The following SEPTIN9 variants were observed in gnomAD, a reference collection of about 807,000 sequenced individuals.
The protein encoded by SEPTIN9 is septin-9.
SEPTIN9 carries 13 observed loss-of-function variants against 56.6 expected under a neutral mutation model. That is an observed-to-expected ratio of 0.23 (90% CI 0.15 to 0.37). SEPTIN9 has a LOEUF of 0.37. Ranked by LOEUF, SEPTIN9 falls within the 10% of genes least tolerant of loss-of-function variation. SEPTIN9 has a pLI of 1.00. For synonymous variants in SEPTIN9, 332 were observed against 334.1 expected (o/e 0.99, Z 0.07); for missense variants, 650 against 823.1 (o/e 0.79, Z 2.57).
At chr17:77,498,338 G>A (rs1187879559) in intron 11 of SEPTIN9, among the ~76,000 whole-genome samples, 185 bp from the exon 12 acceptor site, 8 of 151,806 alleles carry the variant, frequency 5.3e-5, no homozygotes, top group Non-Finnish European at 1.2e-4. Context: ...CCCCCAAAAC[G>A]TGTACCAGAT....
chr17:77,411,261 G>A (rs928263187), intron 3 of SEPTIN9, among the ~76,000 whole-genome samples: 1 of 152,150 alleles, frequency 6.6e-6, no homozygotes, highest in Non-Finnish European at 1.5e-5. Flanking sequence ...TTCAGGGCTT[G>A]TGTAAAAAAA....
At position 77,319,984 on chromosome 17, in the gene SEPTIN9, A is replaced by G. The variant is rs1345984985; in HGVS notation, c.76+12787A>G. ...CCGGGACTCTGGGACTCTCGCAGGC[A>G]GACCCGGTGGTCTGCCGGACTCCTC... On this transcript the variant is annotated intron_variant, in intron 2 of 11. Coordinates refer to ENST00000427177, the MANE Select transcript of SEPTIN9 (RefSeq NM_001113491.2). The surrounding 1 kb of genome is among the most constrained non-coding windows in gnomAD (Gnocchi z 5.3). 1 of 1,224,328 alleles carries G rather than the reference A, an allele frequency of 8.2e-7. No individual in the cohort carries two copies. The highest frequency in any genetic ancestry group is 1.0e-6 in the Non-Finnish European group (1 of 976,520). 75.8% of individuals were successfully genotyped at this position (1,224,328 alleles called of 1,614,324 possible).
Position 77,371,150 on chromosome 17 carries a change from CTGGAGGTTTCTAGGCCTGGTCATG to C in SEPTIN9, c.77-30905_77-30882del, listed in dbSNP as rs1191005344. Among the ~76,000 whole-genome samples the C allele has an allele frequency of 6.6e-6, 1 of 152,156 alleles. No homozygotes were observed. Among genetic ancestry groups the C allele is most frequent in the African/African-American group, 2.4e-5 (1 of 41,416 alleles). ...GAAAGAGCTCGGGGAACCTCCTTAC[CTGGAGGTTTCTAGGCCTGGTCATG>C]TGGCTCTGAGTGATTACATTGAAGG... is the stretch of plus-strand genomic sequence containing the variant. On this transcript the variant is annotated intron_variant, in intron 2 of 11. Transcript: ENST00000427177. The surrounding 1 kb of genome is among the most constrained non-coding windows in gnomAD (Gnocchi z 4.1).
chr17:77,331,811 G>A (rs1183047863), intron 2 of SEPTIN9, among the ~76,000 whole-genome samples: 3 of 152,206 alleles, frequency 2.0e-5, no homozygotes, highest in Non-Finnish European at 4.4e-5. Context: ...CGAGCCCTTG[G>A]GGTTCCTGTC....
In SEPTIN9 at chr17:77,329,532, C is replaced by A. The variant is rs574271644; in HGVS notation, c.76+22335C>A. Reference sequence around the variant, plus strand: ...GTTTGGATCCTGGGAAGGTTGGGTACCTGGCAGCCTCAAGGCAGGAGCTGG... The same window carrying A: ...GTTTGGATCCTGGGAAGGTTGGGTAACTGGCAGCCTCAAGGCAGGAGCTGG... On this transcript the variant is annotated intron_variant, in intron 2 of 11. Transcript: ENST00000427177. The surrounding 1 kb of genome is among the most constrained non-coding windows in gnomAD (Gnocchi z 4.3). Among the ~76,000 whole-genome samples the A allele has an allele frequency of 6.6e-6, 1 of 152,082 alleles. No homozygotes were observed. Among genetic ancestry groups the A allele is most frequent in the Non-Finnish European group, 1.5e-5 (1 of 68,004 alleles).
intron 3 of SEPTIN9, among the ~76,000 whole-genome samples, chr17:77,442,583 ATAT>A (rs1837452939): frequency 6.6e-6 from 1 of 150,532 alleles, no homozygotes; most frequent in Admixed American, 6.6e-5. Context: ...GTGAAAGCAC[ATAT>A]TATGGGCCGG....
rs765373402 is a variant in SEPTIN9, at chr17:77,402,359, G to T, written c.377G>T (p.Gly126Val). Residue 126 changes from glycine (G) to valine (V), a missense_variant, in exon 3 of 12, where the codon GGC becomes GTC. By Grantham distance (109) the Gly-to-Val change is moderately radical (BLOSUM62 -3). This residue lies in a region of SEPTIN9 where 317 missense variants were observed against 329.1 expected (regional missense o/e 0.96). Transcript: ENST00000427177. This position sits in a 1 kb window ranked among gnomAD's most constrained non-coding sequence, Gnocchi z 6.6. The part of the protein sequence containing the change: ...SKQVENAGAI[G>V]PSRFGLKRAE... ...CAGGTGGAGAACGCCGGGGCCATCG[G>T]CCCGTCCCGGTTCGGGCTCAAGAGG... 2 of 1,612,334 alleles carry T rather than the reference G, an allele frequency of 1.2e-6. No individual in the cohort carries two copies. The highest frequency in any genetic ancestry group is 1.7e-5 in the Admixed American group (1 of 59,960).
At chr17:77,325,723 C>T (rs1567994739) in intron 2 of SEPTIN9, among the ~76,000 whole-genome samples, 1 of 152,200 alleles carries the variant, frequency 6.6e-6, no homozygotes, top group Non-Finnish European at 1.5e-5. Context: ...CCCCTGCAGC[C>T]CATTCTCTGC....
chr17:77,364,612 G>A (rs972764637), intron 2 of SEPTIN9, among the ~76,000 whole-genome samples: 3 of 152,226 alleles, frequency 2.0e-5, no homozygotes, highest in South Asian at 4.1e-4. Context: ...GGCAGGAAGA[G>A]ACCAGGGCTG....
intron 1 of SEPTIN9, among the ~76,000 whole-genome samples, chr17:77,288,514 G>A (rs1053842047): frequency 3.2e-4 from 48 of 152,352 alleles, no homozygotes; most frequent in Admixed American, 1.4e-3. Flanking sequence ...CGCCCCTGGG[G>A]CCTTGTTCCG....
chr17:77,489,383 G>T (rs531280543), intron 7 of SEPTIN9, among the ~76,000 whole-genome samples: 8 of 152,162 alleles, frequency 5.3e-5, no homozygotes, highest in African/African-American at 1.7e-4. Context: ...ACCTGACGTC[G>T]CCCCTAGAGA....
At position 77,456,835 on chromosome 17, in the gene SEPTIN9, C is replaced by T. The variant is rs1048826692; in HGVS notation, c.722-25309C>T. On this transcript the variant is annotated intron_variant, in intron 3 of 11. Coordinates refer to ENST00000427177, the MANE Select transcript of SEPTIN9 (RefSeq NM_001113491.2). The surrounding 1 kb of genome is among the most constrained non-coding windows in gnomAD (Gnocchi z 6.0). ...GGTCCCCACAGCCAAGGACAAGTCC[C>T]CACGGCCAATACCAGATCCCAGTGA... 6.6e-6 allele frequency among the ~76,000 whole-genome samples: 1 copy of T among 152,000 alleles called. No individual in the cohort carries two copies. The highest frequency in any genetic ancestry group is 1.5e-5 in the Non-Finnish European group (1 of 67,972).
rs186733896 is a variant in SEPTIN9 at position 77,419,508 on chromosome 17, G to A, written c.721+16805G>A. Among the ~76,000 whole-genome samples, 27 of 152,228 alleles carry A rather than the reference G, an allele frequency of 1.8e-4. No homozygotes were observed. In the East Asian group the frequency reaches 4.6e-3, roughly 26 times the overall value. On this transcript the variant is annotated intron_variant, in intron 3 of 11. Transcript: ENST00000427177. Reference sequence around the variant, plus strand: ...AGCAGCCACCTCAGGGGACCCCAGCGCTGTACCTGCGACCCAGCTGACCCC... The same window carrying A: ...AGCAGCCACCTCAGGGGACCCCAGCACTGTACCTGCGACCCAGCTGACCCC...
intron 2 of SEPTIN9, among the ~76,000 whole-genome samples, chr17:77,334,675 G>A (rs1328448616): frequency 6.6e-6 from 1 of 151,980 alleles, no homozygotes; most frequent in Non-Finnish European, 1.5e-5. Flanking sequence ...GTCAAAAGAA[G>A]TTCTCTTATT....
intron 2 of SEPTIN9, among the ~76,000 whole-genome samples, chr17:77,355,319 T>C (rs1341461802): frequency 6.6e-6 from 1 of 152,216 alleles, no homozygotes; most frequent in Non-Finnish European, 1.5e-5. Context: ...CGCCTGTTGC[T>C]GGTGGGCTGT....
chr17:77,484,891 G>T (rs1340680500), intron 4 of SEPTIN9, among the ~76,000 whole-genome samples: 3 of 101,136 alleles, frequency 3.0e-5, no homozygotes, highest in African/African-American at 1.2e-4. Flanking sequence ...TGATTGTGAT[G>T]GTGGTGGTGG....
At chr17:77,497,110 G>C (rs1295681290) in intron 10 of SEPTIN9, 1 of 641,436 alleles carries the variant, frequency 1.6e-6, no homozygotes, top group Non-Finnish European at 2.8e-6. Flanking sequence ...GCTGGTGCTG[G>C]TCACTCCAGT....
chr17:77,333,298 A>G (rs1468837394), intron 2 of SEPTIN9, among the ~76,000 whole-genome samples: 1 of 152,188 alleles, frequency 6.6e-6, no homozygotes, highest in African/African-American at 2.4e-5. Flanking sequence ...TGCTCATTTT[A>G]AAATTGGGTT....
chr17:77,418,388 G>C (rs1349952198), intron 3 of SEPTIN9, among the ~76,000 whole-genome samples: 2 of 151,766 alleles, frequency 1.3e-5, no homozygotes, highest in African/African-American at 4.8e-5. Context: ...TGTTGCCCAG[G>C]CTGGAGTGCA....
Sources: gnomAD v4.1 joint callset for allele counts (sites outside exome capture counted in the v4.1 genomes callset) on GRCh38, gnomAD v4.1.1 for gene constraint, gnomAD v4.1.1 regional missense constraint, Gnocchi (gnomAD v3.1) non-coding constraint, MANE v1.5 for transcripts, NCBI Gene and HGNC (gene_info 2026-07-23, HGNC 2026-07-21) for gene names.